Variants in SH3GLB2 observed in about 807,000 individuals in gnomAD.
SH3GLB2 encodes the protein endophilin-B2.
Under a neutral mutation model 48.0 loss-of-function variants are expected in SH3GLB2, and 24 were observed. The observed-to-expected ratio is 0.50, with a 90% CI of 0.36 to 0.70. SH3GLB2 has a LOEUF of 0.70. SH3GLB2 is among the 30% of genes least tolerant of loss of function. SH3GLB2 has a pLI of 0.00. For missense variants in SH3GLB2, 425 were observed against 516.0 expected, an observed-to-expected ratio of 0.82 and a Z score of 1.71; for synonymous variants, 227 against 207.6, an observed-to-expected ratio of 1.09 and a Z score of -0.80.
At position 129,010,003 on chromosome 9, in the gene SH3GLB2, C is replaced by G. The variant is rs17455489; in HGVS notation, c.738+117G>C. On this transcript the variant is annotated intron_variant, in intron 8 of 10. Coordinates refer to ENST00000372564, the MANE Select transcript of SH3GLB2 (RefSeq NM_020145.4). ...GCCCTGCCCCTGCGCCCACACCCTCCCCGGTGGGACTTGCTCTGTGAGGGC... is the reference window on the plus strand; with the variant it reads ...GCCCTGCCCCTGCGCCCACACCCTCGCCGGTGGGACTTGCTCTGTGAGGGC... The G allele has an allele frequency of 7.3e-3, 9,984 of 1,368,588 alleles. 59 individuals are homozygous for G. The highest frequency in any genetic ancestry group is 8.5e-3 in the Non-Finnish European group (8,266 of 969,212). 84.8% of individuals were successfully genotyped at this position (1,368,588 alleles called of 1,614,324 possible). A position where few individuals can be genotyped will look rare whatever the true frequency, so the allele number is the denominator to read the frequency against.
intron 3 of SH3GLB2, among the ~76,000 whole-genome samples, chr9:129,018,760 G>A (rs748433730): frequency 1.2e-4 from 18 of 151,196 alleles, no homozygotes; most frequent in Non-Finnish European, 2.5e-4. Context: ...GAGCGTGGTG[G>A]CAGGCGCCTG....
chr9:129,027,152 C>A (rs898946715), intron 1 of SH3GLB2, among the ~76,000 whole-genome samples: 1 of 152,170 alleles, frequency 6.6e-6, no homozygotes, highest in Non-Finnish European at 1.5e-5. Flanking sequence ...ACCAGATTTA[C>A]AGAAGGGGAG....
chr9:129,022,815 A>AG (rs1200946296), intron 1 of SH3GLB2, among the ~76,000 whole-genome samples: 1 of 152,164 alleles, frequency 6.6e-6, no homozygotes, highest in Non-Finnish European at 1.5e-5. Flanking sequence ...CGGGACAAAC[A>AG]GGGCAGGGAG....
At chr9:129,023,989 G>A (rs954181343) in intron 1 of SH3GLB2, among the ~76,000 whole-genome samples, 1 of 152,194 alleles carries the variant, frequency 6.6e-6, no homozygotes, top group South Asian at 2.1e-4. Flanking sequence ...ACCAAGGCTC[G>A]AAGAGGCAAA....
At chr9:129,013,426 C>T (rs943692376) in intron 5 of SH3GLB2, 17 of 247,732 alleles carry the variant, frequency 6.9e-5, no homozygotes, top group Admixed American at 9.6e-5. Flanking sequence ...CCCGAAGTGA[C>T]GGGGGAGACT....
At position 129,022,352 on chromosome 9, in the gene SH3GLB2, C is replaced by A; in HGVS notation, c.135G>T (p.Arg45=). Reference sequence around the variant, plus strand: ...CTGTCCAGTTCTTGGTGCTGTCTGCCCGGGCCAGAAGGTTTTCAAAGTGGG... The same window carrying A: ...CTGTCCAGTTCTTGGTGCTGTCTGCACGGGCCAGAAGGTTTTCAAAGTGGG... The part of the protein sequence containing the change: ...LDAHFENLLA[R]ADSTKNWTEK... The change falls in exon 2 of 11, where the codon CGG becomes CGT. Residue 45 remains arginine, a synonymous_variant. Coordinates refer to ENST00000372564, the MANE Select transcript of SH3GLB2 (RefSeq NM_020145.4). 1.2e-6 allele frequency: 2 copies of A among 1,614,166 alleles called. No homozygotes were observed. The highest frequency in any genetic ancestry group is 1.7e-6 in the Non-Finnish European group (2 of 1,180,038).
Position 129,008,756 on chromosome 9 carries a change from A to G in SH3GLB2, c.1116T>C (p.Pro372=), listed in dbSNP as rs1376249478. The change falls in exon 11 of 11, where the codon CCT becomes CCC. Residue 372 remains proline, a synonymous_variant. Coordinates refer to ENST00000372564, the MANE Select transcript of SH3GLB2 (RefSeq NM_020145.4). ...TGCCTCTCTCGCCAATGAGCCAGTC[A>G]GGGTCCATGCCAGGCAGGCTGTAGA... ...ITVYSLPGMD[P]DWLIGERGNK... 11 of 1,614,004 alleles carry G rather than the reference A, an allele frequency of 6.8e-6. 1 individual carries two copies. The highest frequency in any genetic ancestry group is 1.7e-5 in the Admixed American group (1 of 60,002).
chr9:129,016,572 C>T (rs927996348), intron 3 of SH3GLB2, among the ~76,000 whole-genome samples: 11 of 151,240 alleles, frequency 7.3e-5, no homozygotes, highest in Middle Eastern at 3.4e-3. Flanking sequence ...GTAGGATAAT[C>T]GCTTGAAACC....
chr9:129,015,303 C>G lies in SH3GLB2; in HGVS notation c.335-399G>C, dbSNP rs963599291. ...CTTGAGCTCGGCAGTTCCAGACCAC[C>G]CTGGGCAACATAGGGAGACCTTATC... On this transcript the variant is annotated intron_variant, in intron 3 of 10. Coordinates refer to ENST00000372564, the MANE Select transcript of SH3GLB2 (RefSeq NM_020145.4). Among the ~76,000 whole-genome samples, 3 of 151,944 alleles carry G rather than the reference C, an allele frequency of 2.0e-5. No individual in the cohort carries two copies. In the South Asian group the frequency reaches 6.3e-4, roughly 32 times the overall value.
At chr9:129,009,742 C>T (rs770442470) in intron 9 of SH3GLB2, 29 bp downstream of exon 9, 18 of 1,593,416 alleles carry the variant, frequency 1.1e-5, no homozygotes, top group Non-Finnish European at 1.5e-5. Flanking sequence ...CAGGGGGCCC[C>T]AGTGGGTTCA....
In SH3GLB2 at chr9:129,022,304, CTCTG is replaced by C; in HGVS notation, c.179_182del (p.Thr60ArgfsTer55). 1.2e-6 allele frequency: 2 copies of C among 1,614,060 alleles called. No individual in the cohort carries two copies. The highest frequency in any genetic ancestry group is 1.7e-6 in the Non-Finnish European group (2 of 1,180,028). ...CACTGGGGTTGGGCTGCAGCAGCAC[CTCTG>C]TCTGCCTCAAGATCTTCTCTGTCCA... On this transcript the variant is annotated frameshift_variant, in exon 2 of 11. Transcript: ENST00000372564. LOFTEE classifies it high-confidence loss of function.
In SH3GLB2 at chr9:129,008,634, C is replaced by T. The variant is rs1842901586; in HGVS notation, c.*50G>A. Reference sequence around the variant, plus strand: ...AAACAAGTTAAGTGGCAGGGCTGCGCCCATCCTCTCCTGCCTAGGCCAGAA... The same window carrying T: ...AAACAAGTTAAGTGGCAGGGCTGCGTCCATCCTCTCCTGCCTAGGCCAGAA... On this transcript the variant is annotated 3_prime_UTR_variant, in exon 11 of 11. Transcript: ENST00000372564. 7.1e-7 allele frequency: 1 copy of T among 1,418,336 alleles called. No individual in the cohort carries two copies. The allele number at this position is 1,418,336 out of a possible 1,614,324, so 87.9% of individuals were successfully genotyped here.
intron 1 of SH3GLB2, among the ~76,000 whole-genome samples, chr9:129,027,784 T>C (rs1844247738): frequency 6.6e-6 from 1 of 152,032 alleles, no homozygotes; most frequent in African/African-American, 2.4e-5. Flanking sequence ...GGCAGGGAGG[T>C]AGCACCCAGC....
Position 129,007,863 on chromosome 9 carries a change from G to GA in SH3GLB2, c.*820dup, listed in dbSNP as rs1842852218. The GA allele has an allele frequency of 6.6e-6, 1 of 152,326 alleles. No individual in the cohort carries two copies. The highest frequency in any genetic ancestry group is 1.9e-4 in the East Asian group (1 of 5,176). 9.4% of individuals were successfully genotyped at this position (152,326 alleles called of 1,614,324 possible). A position where few individuals can be genotyped will look rare whatever the true frequency, so the allele number is the denominator to read the frequency against. ...ATGTCCAGGAACAGCACTGCCCTCT[G>GA]AGAGGCACAGGCCCCGCAGAAGACA... On this transcript the variant is annotated 3_prime_UTR_variant, in exon 11 of 11. Transcript: ENST00000372564.
intron 3 of SH3GLB2, among the ~76,000 whole-genome samples, chr9:129,016,633 G>C (rs1843442116): frequency 6.6e-6 from 1 of 151,542 alleles, no homozygotes; most frequent in Non-Finnish European, 1.5e-5. Context: ...ACTCCCGCCT[G>C]GGTGACAGAA....
At position 129,009,884 on chromosome 9, in the gene SH3GLB2, G is replaced by C. The variant is rs1456444728; in HGVS notation, c.739-13C>G. ...GCAGGTGGTTCACCTGCGGGGAAGAGGCCAGAGGCTGACTTCTAACCTCCC... is the reference window on the plus strand; with the variant it reads ...GCAGGTGGTTCACCTGCGGGGAAGACGCCAGAGGCTGACTTCTAACCTCCC... On this transcript the variant is annotated splice_polypyrimidine_tract_variant and intron_variant, in intron 8 of 10. Transcript: ENST00000372564. The C allele has an allele frequency of 4.3e-6, 7 of 1,610,618 alleles. No homozygotes were observed. Among genetic ancestry groups the C allele is most frequent in the Admixed American group, 1.7e-5 (1 of 59,620 alleles).
In SH3GLB2 at chr9:129,020,653, G is replaced by A. The variant is rs556456473; in HGVS notation, c.334+438C>T. Reference sequence around the variant, plus strand: ...GAGGCATAGGCGGGCAGATCACGAGGTCAGGAGATCGAGACCATCCTGGCT... The same window carrying A: ...GAGGCATAGGCGGGCAGATCACGAGATCAGGAGATCGAGACCATCCTGGCT... On this transcript the variant is annotated intron_variant, in intron 3 of 10. Transcript: ENST00000372564. Among the ~76,000 whole-genome samples, 477 of 151,920 alleles carry A rather than the reference G, an allele frequency of 3.1e-3. 1 individual carries two copies. The highest frequency in any genetic ancestry group is 0.011 in the African/African-American group (450 of 41,456).
At chr9:129,010,519 G>A (rs201239437) in intron 7 of SH3GLB2, 151 bp downstream of exon 7, 2 of 864,168 alleles carry the variant, frequency 2.3e-6, no homozygotes, top group East Asian at 5.0e-5. Context: ...TCCCCACAGA[G>A]GGGAAACTGA....
chr9:129,016,262 G>C (rs1284582637), intron 3 of SH3GLB2, among the ~76,000 whole-genome samples: 1 of 143,206 alleles, frequency 7.0e-6, no homozygotes, highest in Non-Finnish European at 1.5e-5. Flanking sequence ...AGAATTGCTT[G>C]AACCCAGGAG....
Sources: gnomAD v4.1 joint callset for allele counts (sites outside exome capture counted in the v4.1 genomes callset) on GRCh38, gnomAD v4.1.1 for gene constraint, MANE v1.5 for transcripts, NCBI Gene and HGNC (gene_info 2026-07-23, HGNC 2026-07-21) for gene names.